Variants in MYCBP2 observed in about 807,000 individuals in gnomAD.
MYCBP2 encodes the protein MYC binding protein 2.
In MYCBP2, 120 loss-of-function variants were observed where a neutral mutation model predicts 525.3. The observed-to-expected ratio is 0.23, with a 90% CI of 0.20 to 0.27. MYCBP2 has a LOEUF of 0.27. MYCBP2 is among the 10% of genes least tolerant of loss of function. The pLI is 1.00. For missense variants in MYCBP2, 4,149 were observed against 5,657.1 expected (o/e 0.73, Z 8.55); for synonymous variants, 1,894 against 1,955.8 (o/e 0.97, Z 0.83).
intron 1 of MYCBP2, among the ~76,000 whole-genome samples, chr13:77,309,031 G>C (rs750100028): frequency 6.6e-6 from 1 of 152,204 alleles, no homozygotes; most frequent in Non-Finnish European, 1.5e-5. Context: ...GGATGCCAAA[G>C]GGATATGGCT....
chr13:77,140,810 T>G (rs770004388), intron 50 of MYCBP2, 36 bp downstream of exon 50: 1 of 1,482,074 alleles, frequency 6.7e-7, no homozygotes, highest in Non-Finnish European at 9.3e-7. Flanking sequence ...ACGTAAAAAT[T>G]GAATGATTCC....
chr13:77,096,395 T>C lies in MYCBP2; in HGVS notation c.9871A>G (p.Ile3291Val), dbSNP rs765374637. The C allele has an allele frequency of 6.1e-5, 99 of 1,613,394 alleles. No individual in the cohort carries two copies. Among genetic ancestry groups the C allele is most frequent in the Admixed American group, 2.0e-4 (12 of 59,928 alleles). ...GWAGNCGDGGIGGSTWYLVCD... is the reference protein window; with the variant it reads ...GWAGNCGDGGVGGSTWYLVCD... The stretch of plus-strand genomic sequence containing the variant: ...ACCAGATACCAAGTGCTTCCTCCTA[T>C]GCCACCATCACCACAGTTACCAGCC... Residue 3291 changes from isoleucine (I) to valine (V), a missense_variant, in exon 57 of 83, where the codon ATA becomes GTA. Ile to Val is a conservative substitution (Grantham distance 29). Around this residue, in one of 21 missense-constraint regions of MYCBP2, gnomAD observed 509 missense variants for 789.4 expected, o/e 0.64. Transcript: ENST00000544440.
At chr13:77,154,196 A>T (rs1566731497) in intron 46 of MYCBP2, among the ~76,000 whole-genome samples, 1 of 152,170 alleles carries the variant, frequency 6.6e-6, no homozygotes, top group Non-Finnish European at 1.5e-5. Context: ...ATTAAACATC[A>T]GTAGGAGCAC....
At chr13:77,267,795 T>G in intron 8 of MYCBP2, 46 bp downstream of exon 8, 1 of 1,397,002 alleles carries the variant, frequency 7.2e-7, no homozygotes, top group Non-Finnish European at 1.0e-6. Flanking sequence ...AACATGCACA[T>G]TTCTTAAAAT....
At chr13:77,102,880 T>C (rs1213780768) in intron 55 of MYCBP2, among the ~76,000 whole-genome samples, 1 of 151,978 alleles carries the variant, frequency 6.6e-6, no homozygotes, top group Non-Finnish European at 1.5e-5. Context: ...CTTTTTCTGA[T>C]AAAAATGATT....
chr13:77,239,939 A>C (rs1046529746), intron 17 of MYCBP2, among the ~76,000 whole-genome samples: 7 of 152,318 alleles, frequency 4.6e-5, no homozygotes, highest in Admixed American at 4.6e-4. Context: ...TTATACACTA[A>C]TATGCTTATT....
intron 15 of MYCBP2, among the ~76,000 whole-genome samples, chr13:77,250,487 A>C (rs892082480): frequency 2.6e-5 from 4 of 152,182 alleles, no homozygotes; most frequent in Non-Finnish European, 5.9e-5. Context: ...TCACACAAAG[A>C]ATATCCCATC....
chr13:77,181,750 A>C lies in MYCBP2; in HGVS notation c.4892T>G (p.Leu1631Arg). 6.2e-7 allele frequency: 1 copy of C among 1,614,132 alleles called. No individual in the cohort carries two copies. Residue 1631 changes from leucine to arginine, a missense_variant, in exon 33 of 83, where the codon CTA (leucine) becomes CGA (arginine). Around this residue, in one of 21 missense-constraint regions of MYCBP2, gnomAD observed 292 missense variants for 330.5 expected, o/e 0.88. Transcript: ENST00000544440. ...CACCAAAAGGGGAAAACGATGAACT[A>C]GTGTTGAGTCGTTCTCTGTACTAAC... is the stretch of plus-strand genomic sequence containing the variant. ...KQVSTENDST[L>R]VHRFPLLVAH...
intron 41 of MYCBP2, 135 bp from the exon 42 acceptor site, chr13:77,165,526 G>C: frequency 3.1e-6 from 2 of 634,928 alleles, no homozygotes; most frequent in Admixed American, 3.3e-5. Context: ...AACTTAAATA[G>C]ACTTGCGGCG....
In MYCBP2 at chr13:77,067,715, G is replaced by A. The variant is rs150891159; in HGVS notation, c.12321C>T (p.Asp4107=). 9.9e-6 allele frequency: 16 copies of A among 1,613,996 alleles called. No homozygotes were observed. Among genetic ancestry groups the A allele is most frequent in the East Asian group, 2.2e-5 (1 of 44,890 alleles). ...KGDWNKLGIL[D]MFLGCIAKAL... ...CTTTGGCAATGCATCCTAGAAACAT[G>A]TCCAAGATACCCAGCTTATTCCAGT... The change falls in exon 71 of 83, where the codon GAC becomes GAT. Residue 4107 remains aspartate (D), a synonymous_variant. Transcript: ENST00000544440.
intron 65 of MYCBP2, among the ~76,000 whole-genome samples, chr13:77,080,196 C>T (rs2043061849): frequency 6.6e-6 from 1 of 152,212 alleles, no homozygotes; most frequent in Non-Finnish European, 1.5e-5. Flanking sequence ...CTTTTACTTA[C>T]TCAATACCAG....
At chr13:77,067,489 C>G (rs1355325294) in intron 71 of MYCBP2, 92 bp downstream of exon 71, 1 of 1,341,718 alleles carries the variant, frequency 7.5e-7, no homozygotes, top group Non-Finnish European at 1.0e-6. Context: ...GGTGAGTAAC[C>G]TAACAAGGTA....
rs1333462799 is a variant in MYCBP2 at position 77,326,109 on chromosome 13, T to C, written c.302+365A>G. Among the ~76,000 whole-genome samples the C allele has an allele frequency of 6.6e-6, 1 of 151,894 alleles. No homozygotes were observed. The highest frequency in any genetic ancestry group is 2.4e-5 in the African/African-American group (1 of 41,322). ...GCAATTCTCTTCGTGTATCATCCTC[T>C]TACCCTCTCTACCCATGCCACCTCC... On this transcript the variant is annotated intron_variant, in intron 1 of 82. Coordinates refer to ENST00000544440, the MANE Select transcript of MYCBP2 (RefSeq NM_015057.5). This position sits in a 1 kb window ranked among gnomAD's most constrained non-coding sequence, Gnocchi z 4.2.
At position 77,058,001 on chromosome 13, in the gene MYCBP2, C is replaced by T. The variant is rs1322383512; in HGVS notation, c.13329+217G>A. ...TACAGGCACCCACCACCACGCCCAGCTAATTTTTTTGTATTTTTGTAGTAG... is the reference window on the plus strand; with the variant it reads ...TACAGGCACCCACCACCACGCCCAGTTAATTTTTTTGTATTTTTGTAGTAG... On this transcript the variant is annotated intron_variant, in intron 78 of 82. Transcript: ENST00000544440. This position sits in a 1 kb window ranked among gnomAD's most constrained non-coding sequence, Gnocchi z 4.1. Among the ~76,000 whole-genome samples, 1 of 151,994 alleles carries T rather than the reference C, an allele frequency of 6.6e-6. No homozygotes were observed. The highest frequency in any genetic ancestry group is 1.5e-5 in the Non-Finnish European group (1 of 68,010).
At chr13:77,316,632 A>G (rs1413090306) in intron 1 of MYCBP2, among the ~76,000 whole-genome samples, 1 of 152,236 alleles carries the variant, frequency 6.6e-6, no homozygotes, top group African/African-American at 2.4e-5. Flanking sequence ...AACTTTCCAG[A>G]GGAAGGAAAG....
At chr13:77,061,633 T>C (rs766206724) in intron 75 of MYCBP2, 29 bp downstream of exon 75, 39 of 1,603,092 alleles carry the variant, frequency 2.4e-5, no homozygotes, top group Admixed American at 2.2e-4. Flanking sequence ...ACTGAACATA[T>C]TTTATGCTCC....
In MYCBP2 at chr13:77,125,403, A is replaced by G. The variant is rs2051471820; in HGVS notation, c.7950T>C (p.Ser2650=). The change falls in exon 54 of 83, where the codon AGT becomes AGC. Residue 2650 remains serine (S), a synonymous_variant. Transcript: ENST00000544440. The part of the protein sequence containing the change: ...DQNSMVEFCE[S]DEGEAWSLAR... The stretch of plus-strand genomic sequence containing the variant: ...CTAAGGACCATGCCTCTCCTTCATC[A>G]CTCTCACAGAACTCTACCATGCTGT... The G allele has an allele frequency of 6.2e-7, 1 of 1,613,598 alleles. No homozygotes were observed. The highest frequency in any genetic ancestry group is 8.5e-7 in the Non-Finnish European group (1 of 1,179,828).
At chr13:77,215,906 A>T (rs1372316692) in intron 21 of MYCBP2, among the ~76,000 whole-genome samples, 1 of 152,206 alleles carries the variant, frequency 6.6e-6, no homozygotes, top group African/African-American at 2.4e-5. Context: ...ACATACATAT[A>T]TGTGGACATA....
Position 77,206,589 on chromosome 13 carries a change from T to TA in MYCBP2, c.3589+63dup, listed in dbSNP as rs199956144. 1.2e-3 allele frequency: 1,615 copies of TA among 1,313,824 alleles called. 1 individual carries two copies. The highest frequency in any genetic ancestry group is 3.6e-3 in the South Asian group (179 of 49,980). 81.4% of individuals were successfully genotyped at this position (1,313,824 alleles called of 1,614,324 possible). A position where few individuals can be genotyped will look rare whatever the true frequency, so the allele number is the denominator to read the frequency against. The stretch of plus-strand genomic sequence containing the variant: ...GAATTACATATAAATTTAAATACTC[T>TA]AAAAAAAAACCCTGGACAGCACACA... On this transcript the variant is annotated intron_variant, in intron 24 of 82. Transcript: ENST00000544440.
Sources: gnomAD v4.1 joint callset for allele counts (sites outside exome capture counted in the v4.1 genomes callset) on GRCh38, gnomAD v4.1.1 for gene constraint, gnomAD v4.1.1 regional missense constraint, Gnocchi (gnomAD v3.1) non-coding constraint, MANE v1.5 for transcripts, NCBI Gene and HGNC (gene_info 2026-07-23, HGNC 2026-07-21) for gene names.